EPHA7: variants seen among roughly 807,000 people sequenced by gnomAD.
The protein encoded by EPHA7 is ephrin type-A receptor 7.
EPHA7 carries 25 observed loss-of-function variants against 112.6 expected under a neutral mutation model. That is an observed-to-expected ratio of 0.22 (90% confidence interval 0.16 to 0.31). The LOEUF is 0.31. Ranked by LOEUF, EPHA7 falls within the 10% of genes least tolerant of loss-of-function variation. The probability of loss-of-function intolerance (pLI) is 1.00; values close to 1 mark genes in which losing one functional copy is unlikely to be tolerated. For missense variants in EPHA7, 962 were observed against 1,212.6 expected, an observed-to-expected ratio of 0.79 and a Z score of 3.07; for synonymous variants, 437 against 406.5, an observed-to-expected ratio of 1.07 and a Z score of -0.90.
At chr6:93,367,932 T>G (rs116536665) in intron 3 of EPHA7, among the ~76,000 whole-genome samples, 58 of 152,192 alleles carry the variant, frequency 3.8e-4, no homozygotes, top group African/African-American at 1.2e-3. Context: ...ACTTTCCCTA[T>G]TCCCAAATGT....
rs57690732 is a variant in EPHA7 at position 93,359,854 on chromosome 6, T to TAGAGAGAGAGAGAG, written c.833-1457_833-1444dup. ...TATAGATCCATCGATCAATAGATGA[T>TAGAGAGAGAGAGAG]AGAGAGAGAGAGAGAGAGAGAGATA... On this transcript the variant is annotated intron_variant, in intron 3 of 16. Coordinates refer to ENST00000369303, the MANE Select transcript of EPHA7 (RefSeq NM_004440.4). Among the ~76,000 whole-genome samples the TAGAGAGAGAGAGAG allele has an allele frequency of 7.7e-3, 962 of 125,090 alleles. 13 individuals carry two copies. The highest frequency in any genetic ancestry group is 0.011 in the Non-Finnish European group (654 of 58,040). The allele number at this position is 125,090 out of a possible 152,430, so 82.1% of individuals were successfully genotyped here.
At position 93,285,990 on chromosome 6, in the gene EPHA7, G is replaced by A. The variant is rs370599227; in HGVS notation, c.1325-13568C>T. On this transcript the variant is annotated intron_variant, in intron 5 of 16. Coordinates refer to ENST00000369303, the MANE Select transcript of EPHA7 (RefSeq NM_004440.4). ...CTTCTGTGCCAAAATGTGAGTGCTG[G>A]GGAATTCTAACACAGAAAACATGGC... Among the ~76,000 whole-genome samples, 5 of 152,152 alleles carry A rather than the reference G, an allele frequency of 3.3e-5. No homozygotes were observed. In the East Asian group the frequency reaches 5.8e-4, roughly 18 times the overall value.
intron 5 of EPHA7, among the ~76,000 whole-genome samples, chr6:93,323,023 G>C (rs557041736): frequency 7.7e-4 from 116 of 151,296 alleles, no homozygotes; most frequent in Non-Finnish European, 1.5e-3. Context: ...GGTATTCAAA[G>C]GGGAAACAAA....
intron 3 of EPHA7, among the ~76,000 whole-genome samples, chr6:93,398,438 A>T (rs1036774031): frequency 6.6e-6 from 1 of 152,030 alleles, no homozygotes; most frequent in Non-Finnish European, 1.5e-5. Flanking sequence ...CCAGAATTCA[A>T]ATTATGAAAA....
chr6:93,252,608 T>G lies in EPHA7; in HGVS notation c.2532+2039A>C, dbSNP rs1005808797. Among the ~76,000 whole-genome samples the G allele has an allele frequency of 5.9e-5, 9 of 152,010 alleles. No homozygotes were observed. The East Asian group carries it at 1.7e-3, about 29-fold the overall frequency. On this transcript the variant is annotated intron_variant, in intron 14 of 16. Coordinates refer to ENST00000369303, the MANE Select transcript of EPHA7 (RefSeq NM_004440.4). ...ATCATTATCCTAAATTATCTGATTT[T>G]TCTCCATTTGCATATTGAAAATTAA...
chr6:93,318,062 C>A (rs1240248168), intron 5 of EPHA7, among the ~76,000 whole-genome samples: 2 of 152,088 alleles, frequency 1.3e-5, no homozygotes, highest in Admixed American at 6.6e-5. Flanking sequence ...TATGGCATTA[C>A]CCTTCTAAAA....
intron 3 of EPHA7, among the ~76,000 whole-genome samples, chr6:93,395,238 C>A (rs998325432): frequency 1.3e-5 from 2 of 151,802 alleles, no homozygotes; most frequent in Non-Finnish European, 1.5e-5. Flanking sequence ...TTGACTTGAT[C>A]TCTAACAAGA....
Position 93,269,673 on chromosome 6 carries a change from T to G in EPHA7, c.1450-13A>C, listed in dbSNP as rs1421172738. On this transcript the variant is annotated splice_polypyrimidine_tract_variant and intron_variant, in intron 6 of 16. Transcript: ENST00000369303. The stretch of plus-strand genomic sequence containing the variant: ...GTTCCCTTTGATCCTAGAAACAATA[T>G]TTAGAGGAAATATTTAATTGTGATT... The G allele has an allele frequency of 6.7e-7, 1 of 1,495,746 alleles. No individual in the cohort carries two copies. Among genetic ancestry groups the G allele is most frequent in the East Asian group, 2.4e-5 (1 of 41,518 alleles). The allele number at this position is 1,495,746 out of a possible 1,614,324, so 92.7% of individuals were successfully genotyped here.
intron 5 of EPHA7, among the ~76,000 whole-genome samples, chr6:93,329,331 G>A (rs559491409): frequency 7.3e-4 from 110 of 151,360 alleles, no homozygotes; most frequent in Non-Finnish European, 1.3e-3. Context: ...ATTGCTAATC[G>A]TTATTTATTT....
At chr6:93,244,524 A>G (rs1300536097) in intron 16 of EPHA7, among the ~76,000 whole-genome samples, 2 of 152,148 alleles carry the variant, frequency 1.3e-5, no homozygotes, top group African/African-American at 4.8e-5. Flanking sequence ...GTCACCCATG[A>G]AAGTCATGCT....
intron 5 of EPHA7, among the ~76,000 whole-genome samples, chr6:93,313,018 C>T (rs149824114): frequency 6.6e-6 from 1 of 151,942 alleles, no homozygotes; most frequent in African/African-American, 2.4e-5. Flanking sequence ...ACAGTAGTAA[C>T]ATCAAAGATT....
At chr6:93,316,810 T>C (rs772873867) in intron 5 of EPHA7, among the ~76,000 whole-genome samples, 53 of 152,172 alleles carry the variant, frequency 3.5e-4, no homozygotes, top group Non-Finnish European at 2.1e-4. Flanking sequence ...TATGCATTAT[T>C]AGATTCTCTG....
chr6:93,245,101 G>GAAA (rs1769886991), intron 16 of EPHA7, among the ~76,000 whole-genome samples, 197 bp downstream of exon 16: 1 of 152,184 alleles, frequency 6.6e-6, no homozygotes, highest in Non-Finnish European at 1.5e-5. Flanking sequence ...TTATTGTTGT[G>GAAA]AAGGTTAAAA....
intron 3 of EPHA7, among the ~76,000 whole-genome samples, chr6:93,383,989 A>G (rs915644257): frequency 1.3e-5 from 2 of 152,208 alleles, no homozygotes; most frequent in East Asian, 3.9e-4. Context: ...TGCATGGCCA[A>G]CATGAGTTTT....
rs1770417655 is a variant in EPHA7 at position 93,255,831 on chromosome 6, A to C, written c.2379T>G (p.Thr793=). Residue 793 remains threonine (T), a synonymous_variant, in exon 13 of 17, where the codon ACT becomes ACG. Coordinates refer to ENST00000369303, the MANE Select transcript of EPHA7 (RefSeq NM_004440.4). The part of the protein sequence containing the change: ...IEDDPEAVYT[T]TGGKIPVRWT... ...GCAGTAAATGACTTTTTCTTACAGTAGTTGTATAGACAGCTTCTGGATCAT... is the reference window on the plus strand; with the variant it reads ...GCAGTAAATGACTTTTTCTTACAGTCGTTGTATAGACAGCTTCTGGATCAT... The C allele has an allele frequency of 6.2e-7, 1 of 1,613,130 alleles. No individual in the cohort carries two copies. The highest frequency in any genetic ancestry group is 1.3e-5 in the African/African-American group (1 of 75,052).
At chr6:93,266,138 A>G (rs1332144280) in intron 7 of EPHA7, among the ~76,000 whole-genome samples, 1 of 151,784 alleles carries the variant, frequency 6.6e-6, no homozygotes. Flanking sequence ...ATTACAGCCT[A>G]TTATCACACA....
chr6:93,370,808 T>C (rs1383752698), intron 3 of EPHA7, among the ~76,000 whole-genome samples: 1 of 152,000 alleles, frequency 6.6e-6, no homozygotes, highest in African/African-American at 2.4e-5. Context: ...AGTTATAAAC[T>C]AGGCAAAACT....
At chr6:93,412,431 T>C (rs1447419552) in intron 2 of EPHA7, among the ~76,000 whole-genome samples, 3 of 152,078 alleles carry the variant, frequency 2.0e-5, no homozygotes, top group Admixed American at 6.6e-5. Context: ...GACTGACAAA[T>C]TAGCAATATA....
At chr6:93,406,814 T>G (rs79490768) in intron 3 of EPHA7, among the ~76,000 whole-genome samples, 1,542 of 152,006 alleles carry the variant, frequency 0.01, 23 homozygotes, top group African/African-American at 0.034. Context: ...TACTTCAGTA[T>G]ATTTATTTTA....
Sources: allele counts gnomAD v4.1 joint callset (sites outside exome capture counted in the v4.1 genomes callset), GRCh38; gene constraint gnomAD v4.1.1; transcripts MANE v1.5; gene names NCBI Gene and HGNC (gene_info 2026-07-23, HGNC 2026-07-21).